Variants in MGAT4C observed in about 807,000 individuals in gnomAD.
The protein encoded by MGAT4C is alpha-1,3-mannosyl-glycoprotein 4-beta-N-acetylglucosaminyltransferase C.
In MGAT4C, 19 loss-of-function variants were observed where a neutral mutation model predicts 40.1. The observed-to-expected ratio is 0.47, with a 90% CI of 0.33 to 0.70. MGAT4C has a LOEUF of 0.70. MGAT4C is among the 30% of genes least tolerant of loss of function. MGAT4C has a pLI of 0.02. For synonymous variants in MGAT4C, 181 were observed against 187.1 expected (o/e 0.97, Z 0.27); for missense variants, 491 against 563.2 (o/e 0.87, Z 1.30).
intron 3 of MGAT4C, among the ~76,000 whole-genome samples, chr12:86,343,272 C>T (rs1246731721): frequency 6.6e-6 from 1 of 152,120 alleles, no homozygotes; most frequent in Non-Finnish European, 1.5e-5. Flanking sequence ...TTCAGCTTTA[C>T]ATGTTATTGA....
intron 2 of MGAT4C, among the ~76,000 whole-genome samples, chr12:86,504,434 T>C (rs1484189791): frequency 2.0e-5 from 3 of 152,120 alleles, no homozygotes; most frequent in Admixed American, 6.6e-5. Context: ...TATTAACAAG[T>C]GATAGAATAT....
At chr12:86,486,388 A>G (rs922891984) in intron 2 of MGAT4C, among the ~76,000 whole-genome samples, 3 of 142,950 alleles carry the variant, frequency 2.1e-5, no homozygotes, top group South Asian at 2.2e-4. Context: ...ACACACACAC[A>G]CACACACACA....
intron 3 of MGAT4C, among the ~76,000 whole-genome samples, chr12:86,371,153 T>A (rs935945080): frequency 6.6e-6 from 1 of 152,006 alleles, no homozygotes; most frequent in African/African-American, 2.4e-5. Context: ...TATTCGAAAA[T>A]TCCTCTTCCT....
chr12:86,261,634 T>C (rs764430608), intron 4 of MGAT4C, among the ~76,000 whole-genome samples: 12 of 152,112 alleles, frequency 7.9e-5, no homozygotes, highest in Non-Finnish European at 2.9e-5. Context: ...ATTTTCAATA[T>C]GCACAACCAA....
At chr12:86,582,894 A>C (rs1960852306) in intron 2 of MGAT4C, among the ~76,000 whole-genome samples, 1 of 151,290 alleles carries the variant, frequency 6.6e-6, no homozygotes, top group Admixed American at 6.6e-5. Context: ...ACAAATCAAG[A>C]TGAGGTATTT....
chr12:86,768,694 A>AGCC (rs1435782845), intron 1 of MGAT4C, among the ~76,000 whole-genome samples: 1 of 152,164 alleles, frequency 6.6e-6, no homozygotes, highest in Non-Finnish European at 1.5e-5. Flanking sequence ...AACAGAATAG[A>AGCC]GCCCTCAGAA....
intron 1 of MGAT4C, among the ~76,000 whole-genome samples, chr12:86,226,565 T>A (rs920994341): frequency 2.6e-5 from 4 of 151,916 alleles, no homozygotes; most frequent in African/African-American, 9.7e-5. Context: ...ACTGAGAAAA[T>A]AGGATAAATT....
chr12:86,506,134 T>A (rs1168384548), intron 2 of MGAT4C, among the ~76,000 whole-genome samples: 2 of 152,176 alleles, frequency 1.3e-5, no homozygotes, highest in Non-Finnish European at 2.9e-5. Flanking sequence ...ATGAGAAAAC[T>A]GTTTCTGTGG....
At chr12:86,245,445 C>T (rs1387395052) in intron 1 of MGAT4C, among the ~76,000 whole-genome samples, 1 of 152,128 alleles carries the variant, frequency 6.6e-6, no homozygotes, top group East Asian at 1.9e-4. Flanking sequence ...TTTTGAACTT[C>T]GTTATATTTT....
At chr12:86,351,140 C>T (rs142725673) in intron 3 of MGAT4C, among the ~76,000 whole-genome samples, 1 of 151,910 alleles carries the variant, frequency 6.6e-6, no homozygotes, top group Non-Finnish European at 1.5e-5. Context: ...AAGCAGATCT[C>T]TGGCCTGGAA....
In MGAT4C at chr12:86,355,421, G is replaced by A. The variant is rs187977732; in HGVS notation, c.-119-21294C>T. Among the ~76,000 whole-genome samples the A allele has an allele frequency of 7.2e-5, 11 of 152,300 alleles. No homozygotes were observed. The East Asian group carries it at 1.9e-3, about 27-fold the overall frequency. On this transcript the variant is annotated intron_variant, in intron 3 of 7. Transcript: ENST00000548651. ...CAGAATGGCTAAATACTTTCTAGAT[G>A]TGGTGAAGAACACAAATTTACAGAT... is the stretch of plus-strand genomic sequence containing the variant.
intron 1 of MGAT4C, among the ~76,000 whole-genome samples, chr12:86,800,317 C>G (rs1174230798): frequency 1.3e-5 from 2 of 151,930 alleles, no homozygotes; most frequent in Non-Finnish European, 2.9e-5. Context: ...TCTTTAATCA[C>G]AAAAGTAAGG....
chr12:85,985,805 T>C (rs1885135207), intron 3 of MGAT4C, among the ~76,000 whole-genome samples: 1 of 152,210 alleles, frequency 6.6e-6, no homozygotes, highest in Non-Finnish European at 1.5e-5. Context: ...AAAATGTAAC[T>C]AGTGACTCAG....
chr12:86,597,518 C>T lies in MGAT4C; in HGVS notation c.-229+129691G>A, dbSNP rs75338922. 3.1e-3 allele frequency among the ~76,000 whole-genome samples: 478 copies of T among 152,318 alleles called. 1 individual carries two copies. The highest frequency in any genetic ancestry group is 0.011 in the African/African-American group (462 of 41,578). On this transcript the variant is annotated intron_variant, in intron 2 of 7. Coordinates refer to the MGAT4C transcript ENST00000548651. ...CCCTATTGCCTCAGAATCATGTAGA[C>T]TCTGTTAAAAGATTATAGTTCTCTT...
intron 1 of MGAT4C, among the ~76,000 whole-genome samples, chr12:86,164,004 T>A (rs1199020307): frequency 6.6e-6 from 1 of 152,196 alleles, no homozygotes; most frequent in African/African-American, 2.4e-5. Context: ...TAGAGGGCAG[T>A]TAGCATACCT....
intron 3 of MGAT4C, among the ~76,000 whole-genome samples, chr12:86,412,717 G>T (rs1956630194): frequency 6.6e-6 from 1 of 152,166 alleles, no homozygotes; most frequent in South Asian, 2.1e-4. Flanking sequence ...GGACTGTTTA[G>T]AAGGGACAAT....
Position 86,256,271 on chromosome 12 carries a change from T to A in MGAT4C, c.-89A>T, listed in dbSNP as rs1952511544. ...AGAGAAAACAATTCGTTCAGCTAGA[T>A]CCAACAGTGCTCTGTGCAGCCTGGA... On this transcript the variant is annotated 5_prime_UTR_variant, in exon 1 of 5. Coordinates refer to ENST00000611864, the MANE Select transcript of MGAT4C (RefSeq NM_001351288.2). 2.0e-5 allele frequency: 3 copies of A among 152,116 alleles called. No individual in the cohort carries two copies. The highest frequency in any genetic ancestry group is 4.4e-5 in the Non-Finnish European group (3 of 68,004). The allele number at this position is 152,116 out of a possible 1,614,324, so 9.4% of individuals were successfully genotyped here.
intron 4 of MGAT4C, among the ~76,000 whole-genome samples, chr12:86,275,478 C>A (rs79707408): frequency 6.6e-6 from 1 of 152,116 alleles, no homozygotes; most frequent in Non-Finnish European, 1.5e-5. Flanking sequence ...CCGAAGATGT[C>A]CATGTCTTAA....
At chr12:86,488,105 T>G (rs768605942) in intron 2 of MGAT4C, among the ~76,000 whole-genome samples, 3 of 152,034 alleles carry the variant, frequency 2.0e-5, no homozygotes, top group Non-Finnish European at 4.4e-5. Context: ...AAATATTGGC[T>G]GGGCATAGTG....
Sources: gnomAD v4.1 joint callset for allele counts (sites outside exome capture counted in the v4.1 genomes callset) on GRCh38, gnomAD v4.1.1 for gene constraint, MANE v1.5 for transcripts, NCBI Gene and HGNC (gene_info 2026-07-23, HGNC 2026-07-21) for gene names.